Variants in ADGRG1 observed in about 807,000 individuals in gnomAD.
ADGRG1 encodes the protein adhesion G protein-coupled receptor G1, also known as 7-transmembrane protein with no EGF-like N-terminal domains-1.
Under a neutral mutation model 73.5 loss-of-function variants are expected in ADGRG1, and 53 were observed. That is an observed-to-expected ratio of 0.72 (90% confidence interval 0.58 to 0.91). The LOEUF (loss-of-function observed/expected upper bound fraction) is 0.91. ADGRG1 is among the 40% of genes least tolerant of loss of function. The probability of loss-of-function intolerance (pLI) is 0.00; values close to 1 mark genes in which losing one functional copy is unlikely to be tolerated. For synonymous variants in ADGRG1, 394 were observed against 374.4 expected (o/e 1.05, Z -0.60); for missense variants, 795 against 871.8 (o/e 0.91, Z 1.11).
At chr16:57,661,586 A>G (rs1330856555) in intron 12 of ADGRG1, 111 bp from the exon 13 acceptor site, 2 of 1,522,410 alleles carry the variant, frequency 1.3e-6, no homozygotes, top group East Asian at 4.9e-5. Flanking sequence ...ATAGAAAACA[A>G]GCGCACTTGC....
intron 1 of ADGRG1, chr16:57,632,186 T>G (rs576595753): frequency 1.0e-6 from 1 of 985,448 alleles, no homozygotes; most frequent in African/African-American, 1.7e-5. Context: ...CTCTTGTCCC[T>G]TGGTGGAGAG....
In ADGRG1 at chr16:57,654,120, A is replaced by G; in HGVS notation, c.755A>G (p.His252Arg). The G allele has an allele frequency of 3.7e-6, 6 of 1,612,338 alleles. No individual in the cohort carries two copies. Among genetic ancestry groups the G allele is most frequent in the Non-Finnish European group, 5.1e-6 (6 of 1,179,838 alleles). Residue 252 changes from histidine to arginine, a missense_variant, in exon 5 of 14, where the codon CAC becomes CGC. Coordinates refer to ENST00000562631, the MANE Select transcript of ADGRG1 (RefSeq NM_201525.4). Reference protein sequence around the residue: ...PTAGLQDLHIHSRQEEEQSEI... With the variant: ...PTAGLQDLHIRSRQEEEQSEI... ...GCCGGCCTCCAGGACCTGCACATCC[A>G]CTCCCGGCAGGAGGTCAGGGGCAGG... is the stretch of plus-strand genomic sequence containing the variant.
Position 57,657,510 on chromosome 16 carries a change from G to A in ADGRG1, c.1286+19G>A. The A allele has an allele frequency of 6.3e-7, 1 of 1,580,798 alleles. No homozygotes were observed. The highest frequency in any genetic ancestry group is 8.7e-7 in the Non-Finnish European group (1 of 1,150,444). ...GCTCCAGGTGAGGCCTGAAAGGGGTGGGACAGGGGAGGGGACCCTCCATTG... is the reference window on the plus strand; with the variant it reads ...GCTCCAGGTGAGGCCTGAAAGGGGTAGGACAGGGGAGGGGACCCTCCATTG... On this transcript the variant is annotated intron_variant, in intron 10 of 13. Transcript: ENST00000562631.
chr16:57,628,895 T>TGTGTGAGTGTGAGTGTGTGA (rs2036587569), intron 1 of ADGRG1, 93 bp downstream of exon 1: 1 of 839,320 alleles, frequency 1.2e-6, no homozygotes, highest in African/African-American at 2.2e-5. Context: ...AGAGTGTGAG[T>TGTGTGAGTGTGAGTGTGTGA]GTGTGAGTGT....
intron 1 of ADGRG1, chr16:57,647,301 A>G: frequency 1.0e-6 from 1 of 985,286 alleles, no homozygotes; most frequent in Non-Finnish European, 1.2e-6. Flanking sequence ...AGGAAGCTTC[A>G]TGCTCTAAGA....
chr16:57,661,655 C>A, intron 12 of ADGRG1, 42 bp from the exon 13 acceptor site: 1 of 1,590,952 alleles, frequency 6.3e-7, no homozygotes, highest in Non-Finnish European at 8.6e-7. Context: ...GAAATGCTGC[C>A]CGTGCTGGCC....
chr16:57,657,301 C>T, intron 9 of ADGRG1, 72 bp from the exon 10 acceptor site: 1 of 1,608,614 alleles, frequency 6.2e-7, no homozygotes, highest in Non-Finnish European at 8.5e-7. Context: ...CAGGTTAGCC[C>T]CTCACGCAGG....
At chr16:57,631,094 T>C (rs1454925135) in intron 1 of ADGRG1, 2 of 966,856 alleles carry the variant, frequency 2.1e-6, no homozygotes, top group East Asian at 2.4e-4. Context: ...GGCCAGGCAG[T>C]CCCAGTCTCT....
intron 1 of ADGRG1, chr16:57,645,275 T>C (rs1267627832): frequency 7.1e-6 from 7 of 985,248 alleles, no homozygotes; most frequent in African/African-American, 1.7e-5. Context: ...CGAGGGCCCA[T>C]TTAAGGGGAA....
At chr16:57,647,815 T>C in intron 1 of ADGRG1, 3 of 974,336 alleles carry the variant, frequency 3.1e-6, no homozygotes, top group Non-Finnish European at 3.7e-6. Flanking sequence ...GTCCCTTGTG[T>C]GTGTCTGGAT....
chr16:57,631,830 C>G (rs1215163296), intron 1 of ADGRG1: 2 of 984,360 alleles, frequency 2.0e-6, no homozygotes, highest in Non-Finnish European at 2.4e-6. Context: ...GGTGCCCCAT[C>G]TGGGGCTCCT....
At position 57,659,653 on chromosome 16, in the gene ADGRG1, C is replaced by T; in HGVS notation, c.1527C>T (p.Tyr509=). 6.2e-7 allele frequency: 1 copy of T among 1,613,996 alleles called. No individual in the cohort carries two copies. The highest frequency in any genetic ancestry group is 8.5e-7 in the Non-Finnish European group (1 of 1,180,018). The change falls in exon 11 of 14, where the codon TAC becomes TAT. Residue 509 remains tyrosine (Y), a synonymous_variant. Coordinates refer to ENST00000562631, the MANE Select transcript of ADGRG1 (RefSeq NM_201525.4). ...VEVFGTYVPG[Y]LLKLSAMGWG... is the part of the protein sequence containing the mutation. ...TCTTTGGCACCTATGTCCCTGGCTA[C>T]CTACTCAAGCTGAGCGCCATGGGCT...
At chr16:57,639,553 G>T (rs2040227028) in intron 1 of ADGRG1, 1 of 985,348 alleles carries the variant, frequency 1.0e-6, no homozygotes, top group Non-Finnish European at 1.2e-6. Flanking sequence ...GAAAAAAGGT[G>T]GTCGGGGGAC....
intron 1 of ADGRG1, chr16:57,646,340 G>C: frequency 6.1e-6 from 6 of 978,826 alleles, no homozygotes; most frequent in Non-Finnish European, 7.3e-6. Flanking sequence ...GGAGCCCTGG[G>C]GGTGGGGCGG....
At chr16:57,652,457 G>T (rs950096060) in intron 3 of ADGRG1, among the ~76,000 whole-genome samples, 1 of 152,140 alleles carries the variant, frequency 6.6e-6, no homozygotes, top group Non-Finnish European at 1.5e-5. Context: ...CGTCAGTGGT[G>T]GGGGGTTCCC....
chr16:57,649,577 C>T (rs2043513123), intron 1 of ADGRG1, among the ~76,000 whole-genome samples: 1 of 152,030 alleles, frequency 6.6e-6, no homozygotes, highest in Non-Finnish European at 1.5e-5. Flanking sequence ...TTTCTGTGTT[C>T]CCTCCGGGCC....
At chr16:57,654,265 C>T in intron 5 of ADGRG1, 132 bp downstream of exon 5, 1 of 877,978 alleles carries the variant, frequency 1.1e-6, no homozygotes, top group Non-Finnish European at 1.7e-6. Context: ...AGGTTCCAGG[C>T]CCGAGGATAG....
At chr16:57,641,546 T>C in intron 1 of ADGRG1, 1 of 982,832 alleles carries the variant, frequency 1.0e-6, no homozygotes, top group Non-Finnish European at 1.2e-6. Flanking sequence ...CTAAGTCTCT[T>C]CAATCAATTC....
At chr16:57,644,727 GCA>G (rs1171021791) in intron 1 of ADGRG1, among the ~76,000 whole-genome samples, 56 of 67,228 alleles carry the variant, frequency 8.3e-4, no homozygotes, top group African/African-American at 3.1e-3. Context: ...ACACGCACTG[GCA>G]CACACTGATC....
Sources: gnomAD v4.1 joint callset for allele counts (sites outside exome capture counted in the v4.1 genomes callset) on GRCh38, gnomAD v4.1.1 for gene constraint, MANE v1.5 for transcripts, NCBI Gene and HGNC (gene_info 2026-07-23, HGNC 2026-07-21) for gene names.